Variants in PTPRD observed in about 807,000 individuals in gnomAD.
PTPRD encodes protein tyrosine phosphatase receptor type D, also known as receptor-type tyrosine-protein phosphatase delta.
In PTPRD, 34 loss-of-function variants were observed where a neutral mutation model predicts 214.5. That is an observed-to-expected ratio of 0.16 (90% CI 0.12 to 0.21). PTPRD has a LOEUF of 0.21. PTPRD is among the 10% of genes least tolerant of loss of function. The pLI is 1.00. For missense variants in PTPRD, 2,545 were observed against 2,398.7 expected, an observed-to-expected ratio of 1.06 and a Z score of -1.27; for synonymous variants, 1,128 against 845.7, an observed-to-expected ratio of 1.33 and a Z score of -5.79.
Position 9,163,694 on chromosome 9 carries a change from C to G in PTPRD, c.-143+19610G>C, listed in dbSNP as rs549726445. ...GTCCTACTGCCCTTATGATCAAGAT[C>G]AAACCTCTAACCATTTAATAACTGA... On this transcript the variant is annotated intron_variant, in intron 10 of 45. Transcript: ENST00000381196. 1.6e-4 allele frequency among the ~76,000 whole-genome samples: 25 copies of G among 152,218 alleles called. No individual in the cohort carries two copies. In the South Asian group the frequency reaches 5.2e-3, roughly 32 times the overall value.
chr9:8,526,683 A>G, intron 16 of PTPRD, 39 bp from the exon 17 acceptor site: 1 of 1,551,922 alleles, frequency 6.4e-7, no homozygotes. Context: ...ATTAGAAAGA[A>G]GAAGCATTAG....
chr9:9,901,103 G>C (rs994203877), intron 5 of PTPRD, among the ~76,000 whole-genome samples: 1 of 152,150 alleles, frequency 6.6e-6, no homozygotes, highest in African/African-American at 2.4e-5. Flanking sequence ...TACAGTCATA[G>C]TGGAGAGCAA....
chr9:8,746,112 G>A (rs994177616), intron 11 of PTPRD, among the ~76,000 whole-genome samples: 1 of 150,982 alleles, frequency 6.6e-6, no homozygotes, highest in Non-Finnish European at 1.5e-5. Context: ...TTTTTTCTCT[G>A]TAAAATTTAA....
At chr9:8,410,408 C>T (rs1371570357) in intron 35 of PTPRD, among the ~76,000 whole-genome samples, 1 of 152,154 alleles carries the variant, frequency 6.6e-6, no homozygotes, top group African/African-American at 2.4e-5. Context: ...GCTCTGTGTT[C>T]CCTTTTCCTC....
At chr9:9,876,554 A>C (rs1292631663) in intron 5 of PTPRD, among the ~76,000 whole-genome samples, 1 of 152,192 alleles carries the variant, frequency 6.6e-6, no homozygotes, top group Non-Finnish European at 1.5e-5. Context: ...CCACCTCTGC[A>C]GTTTTAACAA....
At chr9:9,722,461 A>C (rs2154433583) in intron 7 of PTPRD, among the ~76,000 whole-genome samples, 1 of 152,224 alleles carries the variant, frequency 6.6e-6, no homozygotes, top group East Asian at 1.9e-4. Flanking sequence ...TAAAAAATTT[A>C]TTCATCAATT....
chr9:9,928,436 A>C (rs1374548673), intron 5 of PTPRD, among the ~76,000 whole-genome samples: 1 of 152,142 alleles, frequency 6.6e-6, no homozygotes, highest in Non-Finnish European at 1.5e-5. Context: ...AAAACTATTG[A>C]ACAATGCTGA....
intron 3 of PTPRD, among the ~76,000 whole-genome samples, chr9:10,281,392 A>G (rs1383007279): frequency 1.4e-5 from 2 of 147,098 alleles, no homozygotes; most frequent in Non-Finnish European, 2.9e-5. Context: ...AATGGATGAG[A>G]TGAGGTGAAA....
chr9:8,750,300 G>A (rs1002535217), intron 11 of PTPRD, among the ~76,000 whole-genome samples: 1 of 151,926 alleles, frequency 6.6e-6, no homozygotes, highest in Non-Finnish European at 1.5e-5. Context: ...TGGGACTACA[G>A]GCGCGGGCCA....
intron 8 of PTPRD, among the ~76,000 whole-genome samples, chr9:9,449,204 C>T (rs1256339235): frequency 6.6e-6 from 1 of 151,986 alleles, no homozygotes; most frequent in Non-Finnish European, 1.5e-5. Flanking sequence ...ACAACAACCA[C>T]AGGGAGAAAA....
intron 2 of PTPRD, among the ~76,000 whole-genome samples, chr9:10,341,288 C>T (rs887377173): frequency 5.9e-5 from 9 of 151,906 alleles, no homozygotes; most frequent in African/African-American, 1.9e-4. Context: ...ATGCCAAACG[C>T]TAGGCCACTA....
intron 21 of PTPRD, among the ~76,000 whole-genome samples, chr9:8,510,599 G>A (rs2097658245): frequency 6.6e-6 from 1 of 152,144 alleles, no homozygotes; most frequent in South Asian, 2.1e-4. Context: ...AGCACTGTAT[G>A]GGGCAAAATG....
intron 8 of PTPRD, among the ~76,000 whole-genome samples, chr9:9,510,038 G>A (rs558825749): frequency 3.3e-5 from 5 of 151,654 alleles, no homozygotes; most frequent in East Asian, 2.0e-4. Flanking sequence ...CAGTGACAAG[G>A]AGCCTCAAAA....
At position 10,095,986 on chromosome 9, in the gene PTPRD, T is replaced by C. The variant is rs564059961; in HGVS notation, c.-544-62196A>G. Among the ~76,000 whole-genome samples, 11 of 151,706 alleles carry C rather than the reference T, an allele frequency of 7.3e-5. No homozygotes were observed. In the East Asian group the frequency reaches 2.1e-3, roughly 30 times the overall value. ...GCTGGGGTGAACTCATCTGTTCCCA[T>C]TCTATGTGAATTCTGTATATTCCTT... On this transcript the variant is annotated intron_variant, in intron 3 of 45. Transcript: ENST00000381196.
chr9:10,248,519 AAAAAAAAT>A (rs1347204008), intron 3 of PTPRD, among the ~76,000 whole-genome samples: 5 of 143,268 alleles, frequency 3.5e-5, no homozygotes, highest in Non-Finnish European at 7.8e-5. Context: ...AGCAAAAAAA[AAAAAAAAT>A]AAAAAAAATA....
At chr9:10,010,237 A>T (rs976756087) in intron 4 of PTPRD, among the ~76,000 whole-genome samples, 14 of 151,934 alleles carry the variant, frequency 9.2e-5, no homozygotes, top group Non-Finnish European at 1.2e-4. Flanking sequence ...CCATGACCTC[A>T]GGGCAAAGAG....
At chr9:9,535,253 C>G (rs16929661) in intron 8 of PTPRD, among the ~76,000 whole-genome samples, 1 of 152,106 alleles carries the variant, frequency 6.6e-6, no homozygotes, top group East Asian at 1.9e-4. Flanking sequence ...AAGATGTAAA[C>G]GATTCTAGCT....
chr9:10,044,821 G>T (rs2097360314), intron 3 of PTPRD, among the ~76,000 whole-genome samples: 1 of 151,556 alleles, frequency 6.6e-6, no homozygotes, highest in Non-Finnish European at 1.5e-5. Context: ...CAACTTCATT[G>T]GAATAGACAA....
At chr9:9,522,087 G>A (rs911327522) in intron 8 of PTPRD, among the ~76,000 whole-genome samples, 4 of 150,932 alleles carry the variant, frequency 2.7e-5, no homozygotes, top group African/African-American at 7.3e-5. Flanking sequence ...AAACTGGGAG[G>A]CGGAGGTTGT....
Sources: gnomAD v4.1 joint callset for allele counts (sites outside exome capture counted in the v4.1 genomes callset) on GRCh38, gnomAD v4.1.1 for gene constraint, MANE v1.5 for transcripts, NCBI Gene and HGNC (gene_info 2026-07-23, HGNC 2026-07-21) for gene names.